The following JAZF1 variants were observed in gnomAD, a reference collection of about 807,000 sequenced individuals.
JAZF1 encodes juxtaposed with another zinc finger protein 1.
A neutral mutation model predicts 26.4 loss-of-function variants in JAZF1; 8 were observed. The observed-to-expected ratio is 0.30, with a 90% CI of 0.18 to 0.55. The LOEUF (loss-of-function observed/expected upper bound fraction) is 0.55. Among genes scored for constraint, JAZF1 ranks in the 20% least tolerant of loss-of-function variants. The probability of loss-of-function intolerance (pLI) is 0.94; values close to 1 mark genes in which losing one functional copy is unlikely to be tolerated. For missense variants in JAZF1, 199 were observed against 322.0 expected, an observed-to-expected ratio of 0.62 and a Z score of 2.92; for synonymous variants, 126 against 122.3, an observed-to-expected ratio of 1.03 and a Z score of -0.20.
chr7:27,839,010 G>A (rs1782872459), intron 4 of JAZF1, among the ~76,000 whole-genome samples: 2 of 152,148 alleles, frequency 1.3e-5, no homozygotes, highest in African/African-American at 2.4e-5. Flanking sequence ...AGAACGGAAG[G>A]GGGAAACTGC....
At chr7:28,110,493 GAAAGGAAAGGA>G (rs1583565663) in intron 1 of JAZF1, among the ~76,000 whole-genome samples, 3 of 42,030 alleles carry the variant, frequency 7.1e-5, no homozygotes, top group East Asian at 1.4e-3. Context: ...GAAAGGAAAG[GAAAGGAAAGGA>G]AAAGGAAAGG....
intron 1 of JAZF1, among the ~76,000 whole-genome samples, chr7:28,104,869 C>T (rs1554288540): frequency 6.6e-6 from 1 of 152,188 alleles, no homozygotes; most frequent in Non-Finnish European, 1.5e-5. Flanking sequence ...TCTTTCTTTA[C>T]TGTGCATCAG....
chr7:28,015,682 T>A (rs547199124), intron 1 of JAZF1, among the ~76,000 whole-genome samples: 4 of 152,236 alleles, frequency 2.6e-5, no homozygotes, highest in Non-Finnish European at 5.9e-5. Context: ...CACTGTTTTG[T>A]CTTTTCTCCG....
chr7:28,078,089 G>A (rs1269273080), intron 1 of JAZF1, among the ~76,000 whole-genome samples: 3 of 152,094 alleles, frequency 2.0e-5, no homozygotes, highest in Non-Finnish European at 4.4e-5. Context: ...ACAAGATGCT[G>A]TGTTAGATGA....
intron 2 of JAZF1, among the ~76,000 whole-genome samples, chr7:27,922,243 A>G (rs1320913840): frequency 2.6e-5 from 4 of 152,222 alleles, no homozygotes; most frequent in Admixed American, 6.5e-5. Context: ...TGTTGGTTAT[A>G]AAGTATTCTT....
intron 3 of JAZF1, among the ~76,000 whole-genome samples, chr7:27,847,787 C>T (rs1783057152): frequency 1.3e-5 from 2 of 152,122 alleles, no homozygotes; most frequent in Non-Finnish European, 2.9e-5. Context: ...CCTGCCTCAA[C>T]CTCTTGAGTA....
chr7:28,159,710 C>A (rs929122405), intron 1 of JAZF1, among the ~76,000 whole-genome samples: 1 of 152,054 alleles, frequency 6.6e-6, no homozygotes, highest in African/African-American at 2.4e-5. Flanking sequence ...GGGCTTCAGT[C>A]GCAGTCTTCA....
intron 2 of JAZF1, among the ~76,000 whole-genome samples, chr7:27,903,093 C>T (rs1470222502): frequency 6.7e-6 from 1 of 148,578 alleles, no homozygotes; most frequent in Non-Finnish European, 1.5e-5. Context: ...TCACCTTCTG[C>T]CATCTACACT....
At chr7:27,941,416 C>T (rs1425648506) in intron 2 of JAZF1, among the ~76,000 whole-genome samples, 3 of 152,184 alleles carry the variant, frequency 2.0e-5, no homozygotes, top group Non-Finnish European at 4.4e-5. Context: ...TTTATTCAGC[C>T]TTAATGAGTA....
rs182394816 is a variant in JAZF1, at chr7:28,064,443, G to T, written c.116-72462C>A. On this transcript the variant is annotated intron_variant, in intron 1 of 4. Coordinates refer to ENST00000283928, the MANE Select transcript of JAZF1 (RefSeq NM_175061.4). The stretch of plus-strand genomic sequence containing the variant: ...AATAGAAAAGAACAAAAAGAAATGT[G>T]GTCCTATTTATCACCCATTCAACAA... Among the ~76,000 whole-genome samples, 155 of 152,114 alleles carry T rather than the reference G, an allele frequency of 1.0e-3. 1 individual carries two copies. Among genetic ancestry groups the T allele is most frequent in the African/African-American group, 3.6e-3 (149 of 41,518 alleles).
intron 1 of JAZF1, among the ~76,000 whole-genome samples, chr7:28,171,982 A>G (rs1783476347): frequency 6.6e-6 from 1 of 152,238 alleles, no homozygotes; most frequent in African/African-American, 2.4e-5. Flanking sequence ...GTGATTATCT[A>G]TTGAGATTAA....
At chr7:28,161,429 G>C (rs1783286714) in intron 1 of JAZF1, among the ~76,000 whole-genome samples, 1 of 152,206 alleles carries the variant, frequency 6.6e-6, no homozygotes, top group Non-Finnish European at 1.5e-5. Flanking sequence ...ACAGGTTGAA[G>C]TGACTAGTCA....
intron 2 of JAZF1, among the ~76,000 whole-genome samples, chr7:27,922,435 G>A (rs1470262117): frequency 6.6e-6 from 1 of 152,118 alleles, no homozygotes; most frequent in Non-Finnish European, 1.5e-5. Context: ...TTTTAGTAGA[G>A]ACGGGGTTTC....
chr7:28,052,008 C>A (rs1469163431), intron 1 of JAZF1, among the ~76,000 whole-genome samples: 1 of 152,104 alleles, frequency 6.6e-6, no homozygotes, highest in Non-Finnish European at 1.5e-5. Flanking sequence ...ACTCTGAGGG[C>A]AGGCCTCATG....
At chr7:28,080,385 T>C (rs1292533386) in intron 1 of JAZF1, among the ~76,000 whole-genome samples, 2 of 152,256 alleles carry the variant, frequency 1.3e-5, no homozygotes, top group African/African-American at 2.4e-5. Flanking sequence ...GCTGTTCTGC[T>C]TTCTTATCAT....
At chr7:28,126,727 C>T (rs976406089) in intron 1 of JAZF1, among the ~76,000 whole-genome samples, 4 of 152,118 alleles carry the variant, frequency 2.6e-5, no homozygotes, top group African/African-American at 9.7e-5. Flanking sequence ...GTCTCTAGAG[C>T]CACCTCAGGG....
chr7:28,036,788 A>C (rs753918169), intron 1 of JAZF1, among the ~76,000 whole-genome samples: 3 of 152,214 alleles, frequency 2.0e-5, no homozygotes, highest in Non-Finnish European at 4.4e-5. Flanking sequence ...GTTGGGGGTG[A>C]GGCTGTGCTC....
chr7:27,864,470 C>A (rs1783437501), intron 3 of JAZF1, among the ~76,000 whole-genome samples: 1 of 152,180 alleles, frequency 6.6e-6, no homozygotes, highest in African/African-American at 2.4e-5. Flanking sequence ...CCTCTGCTCA[C>A]CTACTCAGTT....
intron 1 of JAZF1, among the ~76,000 whole-genome samples, chr7:28,128,920 T>C (rs1363256274): frequency 6.6e-6 from 1 of 152,184 alleles, no homozygotes; most frequent in African/African-American, 2.4e-5. Flanking sequence ...TTTCTTAAGA[T>C]AACCCATTGT....
Sources: gnomAD v4.1 joint callset for allele counts (sites outside exome capture counted in the v4.1 genomes callset) on GRCh38, gnomAD v4.1.1 for gene constraint, MANE v1.5 for transcripts, NCBI Gene and HGNC (gene_info 2026-07-23, HGNC 2026-07-21) for gene names.